Variants in HIVEP3 observed in about 807,000 individuals in gnomAD.
HIVEP3 encodes the protein HIVEP zinc finger 3, also known as transcription factor HIVEP3.
In HIVEP3, 49 loss-of-function variants were observed where a neutral mutation model predicts 152.8. The ratio of observed to expected loss-of-function variants is 0.32; its 90% CI spans 0.26 to 0.41. The LOEUF is 0.41. HIVEP3 is among the 10% of genes least tolerant of loss of function. The pLI is 1.00. For synonymous variants in HIVEP3, 1,269 were observed against 1,289.0 expected (o/e 0.98, Z 0.33); for missense variants, 2,790 against 3,103.3 (o/e 0.90, Z 2.40).
intron 1 of HIVEP3, among the ~76,000 whole-genome samples, chr1:41,735,960 C>T (rs1283654340): frequency 6.6e-6 from 1 of 151,956 alleles, no homozygotes; most frequent in Non-Finnish European, 1.5e-5. Flanking sequence ...TGAATCAGGC[C>T]CAAGAGTTAG....
chr1:41,638,315 AAG>A (rs1232405616), intron 2 of HIVEP3, among the ~76,000 whole-genome samples: 2,043 of 110,636 alleles, frequency 0.018, 23 homozygotes, highest in African/African-American at 0.033. Context: ...AAGAAAGGAA[AAG>A]GAAAGAAAGA....
intron 5 of HIVEP3, among the ~76,000 whole-genome samples, chr1:41,544,754 CACCA>C (rs1643643517): frequency 3.0e-4 from 43 of 141,702 alleles, no homozygotes; most frequent in Admixed American, 4.1e-4. Flanking sequence ...CCACTACCAC[CACCA>C]TCACCACCAC....
chr1:42,010,165 G>A (rs1282681555), intron 1 of HIVEP3, among the ~76,000 whole-genome samples: 3 of 152,208 alleles, frequency 2.0e-5, no homozygotes, highest in African/African-American at 4.8e-5. Context: ...AAAGTGCTGA[G>A]ATTACAGGTG....
Position 41,993,593 on chromosome 1 carries a change from G to A in HIVEP3, n.119+42214C>T, listed in dbSNP as rs150317948. ...CAACCATTGTGGAATTCAGTGCGGC[G>A]ATTCCTCAGGAATCTAGAACCAGAA... On this transcript the variant is annotated intron_variant and non_coding_transcript_variant, in intron 1 of 3. Coordinates refer to the HIVEP3 transcript ENST00000489103. Among the ~76,000 whole-genome samples the A allele has an allele frequency of 9.9e-3, 1,513 of 152,250 alleles. 10 individuals are homozygous for A. Among genetic ancestry groups the A allele is most frequent in the Non-Finnish European group, 0.015 (1,009 of 68,028 alleles).
intron 1 of HIVEP3, among the ~76,000 whole-genome samples, chr1:41,806,871 G>C (rs6661568): frequency 0.22 from 32,976 of 152,118 alleles, 4,270 homozygotes; most frequent in Non-Finnish European, 0.28. Context: ...ACAGGACTGA[G>C]AGTATGATGT....
intron 5 of HIVEP3, among the ~76,000 whole-genome samples, chr1:41,530,881 T>G (rs1250483482): frequency 1.3e-5 from 2 of 152,206 alleles, no homozygotes; most frequent in African/African-American, 4.8e-5. Flanking sequence ...GAGAGGACTC[T>G]GAGCCTTCAA....
chr1:41,632,772 A>G (rs34960055), intron 2 of HIVEP3, among the ~76,000 whole-genome samples: 6,000 of 152,136 alleles, frequency 0.039, 169 homozygotes, highest in East Asian at 0.097. Context: ...AAAAAAAAGA[A>G]TAAAAAAAAG....
intron 1 of HIVEP3, among the ~76,000 whole-genome samples, chr1:41,738,166 C>A (rs2124200425): frequency 6.6e-6 from 1 of 152,348 alleles, no homozygotes; most frequent in Non-Finnish European, 1.5e-5. Context: ...GAAGGCCTGC[C>A]CCAGGCCTTG....
intron 2 of HIVEP3, among the ~76,000 whole-genome samples, chr1:41,685,078 G>C (rs912253103): frequency 2.0e-5 from 3 of 152,194 alleles, no homozygotes; most frequent in African/African-American, 7.2e-5. Flanking sequence ...AATGAGACTT[G>C]TCTCTGAGCC....
intron 1 of HIVEP3, among the ~76,000 whole-genome samples, chr1:42,000,901 T>A (rs1305402653): frequency 6.6e-6 from 1 of 152,200 alleles, no homozygotes; most frequent in African/African-American, 2.4e-5. Flanking sequence ...TCATTTAAAA[T>A]TAGATCATAA....
At chr1:41,955,855 C>A (rs987929722) in intron 1 of HIVEP3, among the ~76,000 whole-genome samples, 1 of 152,184 alleles carries the variant, frequency 6.6e-6, no homozygotes, top group Admixed American at 6.5e-5. Context: ...GAATGACTCA[C>A]GGGTTAGGTT....
chr1:41,944,934 G>A (rs775404851), intron 1 of HIVEP3, among the ~76,000 whole-genome samples: 6 of 152,096 alleles, frequency 3.9e-5, no homozygotes, highest in South Asian at 2.1e-4. Flanking sequence ...AGAAAGAAAC[G>A]ATTTATATTC....
chr1:41,811,141 G>C (rs1429335773), intron 1 of HIVEP3, among the ~76,000 whole-genome samples: 2 of 151,514 alleles, frequency 1.3e-5, no homozygotes, highest in East Asian at 3.9e-4. Context: ...TGTCACCTGG[G>C]TCCTCAGTTG....
intron 3 of HIVEP3, among the ~76,000 whole-genome samples, chr1:41,593,997 A>T (rs1644627217): frequency 6.6e-6 from 1 of 152,062 alleles, no homozygotes; most frequent in Non-Finnish European, 1.5e-5. Context: ...TCTCATAACA[A>T]ATCATTCTAA....
intron 2 of HIVEP3, among the ~76,000 whole-genome samples, chr1:41,689,087 C>T (rs1646156364): frequency 6.6e-6 from 1 of 152,244 alleles, no homozygotes; most frequent in South Asian, 2.1e-4. Flanking sequence ...CAAGTGTTTA[C>T]TTACCGATTC....
chr1:41,917,746 C>T (rs930925904), intron 1 of HIVEP3, among the ~76,000 whole-genome samples: 4 of 152,180 alleles, frequency 2.6e-5, no homozygotes, highest in Non-Finnish European at 4.4e-5. Flanking sequence ...AGGCAAGAAT[C>T]CCCTATAGAA....
chr1:41,625,026 G>A lies in HIVEP3; in HGVS notation c.-522+3723C>T, dbSNP rs112610818. Among the ~76,000 whole-genome samples, 38 of 152,126 alleles carry A rather than the reference G, an allele frequency of 2.5e-4. 1 individual carries two copies. The highest frequency in any genetic ancestry group is 8.9e-4 in the African/African-American group (37 of 41,526). ...TAAAAATACAAAAATTAGCTGGTGT[G>A]GTGGCATGCGCCTGTAAGCCCAGCT... On this transcript the variant is annotated intron_variant, in intron 3 of 8. Transcript: ENST00000372583.
chr1:41,962,219 C>A (rs544880405), intron 1 of HIVEP3, among the ~76,000 whole-genome samples: 2 of 152,246 alleles, frequency 1.3e-5, no homozygotes, highest in South Asian at 4.2e-4. Context: ...ATGCTCAGGA[C>A]CAAAGTGGGA....
At position 41,854,146 on chromosome 1, in the gene HIVEP3, C is replaced by CCTCT. The variant is rs143354235; in HGVS notation, c.-801+64263_-801+64266dup. On this transcript the variant is annotated intron_variant, in intron 1 of 8. Coordinates refer to ENST00000372583, the MANE Select transcript of HIVEP3 (RefSeq NM_024503.5). Reference sequence around the variant, plus strand: ...CTCTCTCCCTCTCTCTGTCCCACCTCCTCTCTCTCTCTCTCTCTCAGTTCT... The same window carrying CCTCT: ...CTCTCTCCCTCTCTCTGTCCCACCTCCTCTCTCTCTCTCTCTCTCTCTCAGTTCT... 1.4e-4 allele frequency among the ~76,000 whole-genome samples: 21 copies of CCTCT among 149,318 alleles called. 1 individual carries two copies. The highest frequency in any genetic ancestry group is 8.7e-4 in the Admixed American group (13 of 14,942).
Sources: gnomAD v4.1 joint callset for allele counts (sites outside exome capture counted in the v4.1 genomes callset) on GRCh38, gnomAD v4.1.1 for gene constraint, MANE v1.5 for transcripts, NCBI Gene and HGNC (gene_info 2026-07-23, HGNC 2026-07-21) for gene names.